The following ARRB1 variants were observed in gnomAD, a reference collection of about 807,000 sequenced individuals.
ARRB1 encodes the protein arrestin beta 1, also known as beta-arrestin-1.
Under a neutral mutation model 56.8 loss-of-function variants are expected in ARRB1, and 21 were observed. That is an observed-to-expected ratio of 0.37 (90% CI 0.26 to 0.53). ARRB1 has a LOEUF of 0.53. ARRB1 is among the 20% of genes least tolerant of loss of function. The pLI, the probability that ARRB1 is intolerant of heterozygous loss-of-function variation, is 0.88. For synonymous variants in ARRB1, 210 were observed against 218.6 expected (o/e 0.96, Z 0.35); for missense variants, 424 against 553.7 (o/e 0.77, Z 2.35).
In ARRB1 at chr11:75,342,896, C is replaced by T. The variant is rs58723399; in HGVS notation, c.20+8692G>A. On this transcript the variant is annotated intron_variant, in intron 1 of 15. Coordinates refer to ENST00000420843, the MANE Select transcript of ARRB1 (RefSeq NM_004041.5). ...AGTCTTCAAGCAAGGTAAAGCTGAA[C>T]ATCCAGTGACCTCTGCCCTTTAGGT... 4.7e-3 allele frequency among the ~76,000 whole-genome samples: 721 copies of T among 152,302 alleles called. 1 individual carries two copies. The highest frequency in any genetic ancestry group is 0.016 in the African/African-American group (685 of 41,568).
chr11:75,317,806 T>C (rs1947287232), intron 1 of ARRB1, among the ~76,000 whole-genome samples: 1 of 152,174 alleles, frequency 6.6e-6, no homozygotes, highest in Admixed American at 6.5e-5. Flanking sequence ...ATCATCCGGC[T>C]GCACAGATGA....
At chr11:75,290,450 C>T (rs1946581710) in intron 1 of ARRB1, among the ~76,000 whole-genome samples, 1 of 152,184 alleles carries the variant, frequency 6.6e-6, no homozygotes, top group Non-Finnish European at 1.5e-5. Context: ...TCAAGCACAC[C>T]AGGGCGATTC....
At position 75,266,282 on chromosome 11, in the gene ARRB1, G is replaced by C. The variant is rs201405515; in HGVS notation, c.1146-8C>G. The C allele has an allele frequency of 6.2e-7, 1 of 1,609,886 alleles. No homozygotes were observed. The highest frequency in any genetic ancestry group is 1.7e-5 in the Admixed American group (1 of 59,996). ...AATACAATGTCGTCATCACTGGTGG[G>C]AGAGACAAGGAAAATGTGGTGTGTT... On this transcript the variant is annotated splice_region_variant and splice_polypyrimidine_tract_variant and intron_variant, in intron 15 of 15. Coordinates refer to ENST00000420843, the MANE Select transcript of ARRB1 (RefSeq NM_004041.5).
chr11:75,279,063 C>T (rs1254752794), intron 7 of ARRB1, among the ~76,000 whole-genome samples: 2 of 152,198 alleles, frequency 1.3e-5, no homozygotes, highest in Admixed American at 1.3e-4. Flanking sequence ...CTTCCTGACT[C>T]CCTATGTCAC....
chr11:75,292,459 A>G (rs528842864), intron 1 of ARRB1, among the ~76,000 whole-genome samples: 1 of 152,272 alleles, frequency 6.6e-6, no homozygotes, highest in South Asian at 2.1e-4. Flanking sequence ...ATAAATATTT[A>G]TTAGTGTTCA....
intron 1 of ARRB1, among the ~76,000 whole-genome samples, chr11:75,329,620 C>A (rs1343758757): frequency 6.6e-6 from 1 of 152,166 alleles, no homozygotes; most frequent in Non-Finnish European, 1.5e-5. Context: ...CACGAAACCA[C>A]CTTCTGCCAC....
intron 2 of ARRB1, 96 bp downstream of exon 2, chr11:75,289,913 G>A (rs917273474): frequency 5.8e-6 from 9 of 1,556,514 alleles, no homozygotes; most frequent in African/African-American, 1.4e-5. Context: ...ACAGAGGTGT[G>A]CATTTCAGGG....
At position 75,282,045 on chromosome 11, in the gene ARRB1, G is replaced by A. The variant is rs1425722993; in HGVS notation, c.355-24C>T. On this transcript the variant is annotated intron_variant, in intron 5 of 15. Coordinates refer to ENST00000420843, the MANE Select transcript of ARRB1 (RefSeq NM_004041.5). ...ATCTGTCAAGAAGAGGACAGAACGA[G>A]CCACCTGTCACATCCACCACTGTCC... 4 of 1,613,038 alleles carry A rather than the reference G, an allele frequency of 2.5e-6. No individual in the cohort carries two copies. The African/African-American group carries it at 5.3e-5, about 22-fold the overall frequency.
chr11:75,349,375 C>T (rs1269199329), intron 1 of ARRB1, among the ~76,000 whole-genome samples: 1 of 152,202 alleles, frequency 6.6e-6, no homozygotes, highest in Non-Finnish European at 1.5e-5. Context: ...AAGGCAATTG[C>T]CCAATGTCCC....
intron 3 of ARRB1, among the ~76,000 whole-genome samples, chr11:75,286,255 C>CTTTTTTTTTTTTTTTTTTTTTTTTTT (rs60988072): frequency 5.2e-5 from 2 of 38,678 alleles, no homozygotes; most frequent in African/African-American, 1.1e-4. Flanking sequence ...ATTTGCTCAT[C>CTTTTTTTTTTTTTTTTTTTTTTTTTT]TTTTTTTTTT....
In ARRB1 at chr11:75,264,362, C is replaced by T. The variant is rs1461541849; in HGVS notation, c.*1801G>A. 1 of 152,254 alleles carries T rather than the reference C, an allele frequency of 6.6e-6. No individual in the cohort carries two copies. The highest frequency in any genetic ancestry group is 1.5e-5 in the Non-Finnish European group (1 of 68,074). 9.4% of individuals were successfully genotyped at this position (152,254 alleles called of 1,614,324 possible). A position where few individuals can be genotyped will look rare whatever the true frequency, so the allele number is the denominator to read the frequency against. On this transcript the variant is annotated 3_prime_UTR_variant, in exon 16 of 16. Coordinates refer to ENST00000420843, the MANE Select transcript of ARRB1 (RefSeq NM_004041.5). ...GGAGAGAGATGGAAGGGAGCAGAAA[C>T]TGAGGAGAGAGCCCTTGTCCTGCTA...
chr11:75,325,489 C>T (rs1947415771), intron 1 of ARRB1, among the ~76,000 whole-genome samples: 1 of 152,046 alleles, frequency 6.6e-6, no homozygotes, highest in Non-Finnish European at 1.5e-5. Flanking sequence ...ATCCAGCTAA[C>T]TTTTGTATTT....
chr11:75,332,952 G>A (rs1410121374), intron 1 of ARRB1, among the ~76,000 whole-genome samples: 1 of 151,882 alleles, frequency 6.6e-6, no homozygotes, highest in Non-Finnish European at 1.5e-5. Context: ...CCACCGCTTT[G>A]AGTTGTCCCA....
rs1009728520 is a variant in ARRB1 at position 75,273,965 on chromosome 11, A to G, written c.914+109T>C. The G allele has an allele frequency of 3.3e-6, 5 of 1,518,786 alleles. No homozygotes were observed. In the African/African-American group the frequency reaches 4.1e-5, roughly 12 times the overall value. 94.1% of individuals were successfully genotyped at this position (1,518,786 alleles called of 1,614,324 possible). On this transcript the variant is annotated intron_variant, in intron 11 of 15. Coordinates refer to ENST00000420843, the MANE Select transcript of ARRB1 (RefSeq NM_004041.5). ...CCTGAGGACAGGCCCTGACAAGGCTATGGAGAGGGTAGCCTGAGCCTTGTC... is the reference window on the plus strand; with the variant it reads ...CCTGAGGACAGGCCCTGACAAGGCTGTGGAGAGGGTAGCCTGAGCCTTGTC...
intron 1 of ARRB1, among the ~76,000 whole-genome samples, chr11:75,295,761 C>A (rs1316899298): frequency 6.6e-6 from 1 of 152,202 alleles, no homozygotes; most frequent in Non-Finnish European, 1.5e-5. Flanking sequence ...AGAAAGCCTC[C>A]ATCAACCTAA....
chr11:75,311,333 T>G (rs1947152672), intron 1 of ARRB1, among the ~76,000 whole-genome samples: 1 of 152,084 alleles, frequency 6.6e-6, no homozygotes, highest in Non-Finnish European at 1.5e-5. Flanking sequence ...TGAAACTCTG[T>G]CTCAAGAAAA....
At chr11:75,284,893 A>C (rs997502493) in intron 3 of ARRB1, among the ~76,000 whole-genome samples, 1 of 118,906 alleles carries the variant, frequency 8.4e-6, no homozygotes, top group African/African-American at 3.3e-5. Flanking sequence ...ACAGAGCGAG[A>C]CTCTGTCTCA....
intron 1 of ARRB1, among the ~76,000 whole-genome samples, chr11:75,319,008 A>G (rs1234048028): frequency 1.3e-5 from 2 of 152,208 alleles, no homozygotes; most frequent in Non-Finnish European, 2.9e-5. Context: ...CAATCTTGCC[A>G]GGTAGGTTCT....
intron 1 of ARRB1, among the ~76,000 whole-genome samples, chr11:75,346,256 G>T (rs1335779278): frequency 1.3e-5 from 2 of 152,112 alleles, no homozygotes; most frequent in Non-Finnish European, 2.9e-5. Flanking sequence ...TCCCCCACCT[G>T]AGTCAGAAGC....
Sources: gnomAD v4.1 joint callset for allele counts (sites outside exome capture counted in the v4.1 genomes callset) on GRCh38, gnomAD v4.1.1 for gene constraint, MANE v1.5 for transcripts, NCBI Gene and HGNC (gene_info 2026-07-23, HGNC 2026-07-21) for gene names.